UFL1: variants seen among roughly 807,000 people sequenced by gnomAD.
UFL1 encodes E3 UFM1-protein ligase 1.
UFL1 carries 78 observed loss-of-function variants against 99.3 expected under a neutral mutation model. The observed-to-expected ratio is 0.79, with a 90% confidence interval of 0.65 to 0.95. UFL1 has a LOEUF of 0.95. Ranked by LOEUF, UFL1 falls within the 40% of genes least tolerant of loss-of-function variation. The probability of loss-of-function intolerance (pLI) is 0.00; values close to 1 mark genes in which losing one functional copy is unlikely to be tolerated. For synonymous variants in UFL1, 335 were observed against 322.2 expected (o/e 1.04, Z -0.42); for missense variants, 936 against 937.0 (o/e 1.00, Z 0.01).
chr6:96,552,647 T>C lies in UFL1; in HGVS notation c.2151T>C (p.Asn717=). 6.3e-7 allele frequency: 1 copy of C among 1,595,458 alleles called. No homozygotes were observed. The highest frequency in any genetic ancestry group is 8.5e-7 in the Non-Finnish European group (1 of 1,174,908). Residue 717 remains asparagine (N), a synonymous_variant, in exon 18 of 19, where the codon AAT becomes AAC. Transcript: ENST00000369278. ...TCCCACAGATCATTGCTTTTCTTAA[T>C]AGTAAAATTCCAGAGGTATTACATT... is the stretch of plus-strand genomic sequence containing the variant. ...RCVPQIIAFL[N]SKIPEDQHAL...
chr6:96,541,801 A>G (rs1206043212), intron 11 of UFL1, among the ~76,000 whole-genome samples: 1 of 151,320 alleles, frequency 6.6e-6, no homozygotes, highest in Non-Finnish European at 1.5e-5. Flanking sequence ...CTATTGTATT[A>G]TAATTGTTTA....
chr6:96,540,585 A>T lies in UFL1; in HGVS notation c.1209A>T (p.Gln403His), dbSNP rs1769917306. Residue 403 changes from glutamine (Q) to histidine (H), a missense_variant, in exon 11 of 19, where the codon CAA (glutamine) becomes CAT (histidine). Transcript: ENST00000369278. ...TAATCACTGAAGAAGATCTGAAACA[A>T]ATCTCCACTTTAGAAAGCGTTAGTA... is the stretch of plus-strand genomic sequence containing the variant. ...VHLITEEDLKQISTLESVSTS... is the reference protein window; with the variant it reads ...VHLITEEDLKHISTLESVSTS... 6.2e-7 allele frequency: 1 copy of T among 1,607,566 alleles called. No individual in the cohort carries two copies.
At chr6:96,551,964 G>T (rs760614472) in intron 17 of UFL1, 41 bp downstream of exon 17, 13 of 1,427,964 alleles carry the variant, frequency 9.1e-6, no homozygotes, top group Non-Finnish European at 1.3e-5. Context: ...GTTCTTAAAT[G>T]TGGAGCCTTT....
intron 1 of UFL1, 84 bp downstream of exon 1, chr6:96,522,034 C>T (rs1769619808): frequency 7.0e-7 from 1 of 1,433,860 alleles, no homozygotes; most frequent in Admixed American, 2.0e-5. Flanking sequence ...GACCCGCGGC[C>T]CTGCATCCCG....
intron 18 of UFL1, among the ~76,000 whole-genome samples, chr6:96,552,918 T>C (rs1770102795): frequency 6.6e-6 from 1 of 152,110 alleles, no homozygotes; most frequent in Non-Finnish European, 1.5e-5. Flanking sequence ...CCATTTCAGC[T>C]TCTTTAGGTT....
chr6:96,553,388 T>C lies in UFL1; in HGVS notation c.2270T>C (p.Leu757Ser), dbSNP rs1193546890. 5.0e-6 allele frequency: 8 copies of C among 1,613,796 alleles called. No individual in the cohort carries two copies. In the Admixed American group the frequency reaches 5.0e-5, roughly 10 times the overall value. The change falls in exon 19 of 19, where the codon TTA becomes TCA. Residue 757 changes from leucine to serine, a missense_variant. Coordinates refer to ENST00000369278, the MANE Select transcript of UFL1 (RefSeq NM_015323.5). ...GQGDYPLNNE[L>S]DKEQEDVAST... The stretch of plus-strand genomic sequence containing the variant: ...GGAGATTATCCCTTGAATAATGAAT[T>C]AGACAAAGAACAAGAAGATGTTGCC...
At position 96,543,584 on chromosome 6, in the gene UFL1, A is replaced by T. The variant is rs137875431; in HGVS notation, c.1402+568A>T. 3.7e-3 allele frequency among the ~76,000 whole-genome samples: 567 copies of T among 151,302 alleles called. 3 individuals are homozygous for T. Among genetic ancestry groups the T allele is most frequent in the African/African-American group, 0.013 (535 of 41,456 alleles). ...GGAATGGCTGACTGTGGGAATGTTG[A>T]CACTGCCATTGCTCAAGAAAATGAG... On this transcript the variant is annotated intron_variant, in intron 12 of 18. Coordinates refer to ENST00000369278, the MANE Select transcript of UFL1 (RefSeq NM_015323.5).
In UFL1 at chr6:96,521,839, G is replaced by T; in HGVS notation, c.-35G>T. ...CCACCGCCTGTCGGCTGACGTGTCT[G>T]CAGTTCCTCCGCGTCTACTGCGAGT... On this transcript the variant is annotated 5_prime_UTR_variant, in exon 1 of 19. Transcript: ENST00000369278. The T allele has an allele frequency of 6.3e-7, 1 of 1,598,778 alleles. No individual in the cohort carries two copies. Among genetic ancestry groups the T allele is most frequent in the South Asian group, 1.1e-5 (1 of 88,266 alleles).
chr6:96,523,081 A>T lies in UFL1; in HGVS notation c.78-65A>T, dbSNP rs535730640. ...TTAAAAGCCTGTTTTCATACATTGT[A>T]TTAATTTTATTGAGCGCCAATGTCT... On this transcript the variant is annotated intron_variant, in intron 1 of 18. Coordinates refer to ENST00000369278, the MANE Select transcript of UFL1 (RefSeq NM_015323.5). 13 of 1,471,870 alleles carry T rather than the reference A, an allele frequency of 8.8e-6. No homozygotes were observed. In the South Asian group the frequency reaches 1.9e-4, roughly 21 times the overall value. The allele number at this position is 1,471,870 out of a possible 1,614,324, so 91.2% of individuals were successfully genotyped here.
At chr6:96,524,236 T>G in intron 2 of UFL1, 146 bp from the exon 3 acceptor site, 1 of 663,248 alleles carries the variant, frequency 1.5e-6, no homozygotes, top group Non-Finnish European at 2.5e-6. Flanking sequence ...AGCCATCAGC[T>G]AATGGTGTGT....
intron 16 of UFL1, 104 bp downstream of exon 16, chr6:96,551,617 T>A (rs1770081475): frequency 1.1e-6 from 1 of 898,348 alleles, no homozygotes; most frequent in Non-Finnish European, 1.7e-6. Flanking sequence ...AATCTAAAAC[T>A]AGTATTTTGC....
rs1582447477 is a variant in UFL1 at position 96,551,843 on chromosome 6, A to G, written c.1905A>G (p.Ile635Met). ...KLHNSLNEKS[I>M]EDFISCLDSA... The stretch of plus-strand genomic sequence containing the variant: ...GGTATTCAATGCCTTTTCAGAGCAT[A>G]GAAGACTTTATTTCTTGTCTGGATT... The change falls in exon 17 of 19, where the codon ATA becomes ATG. Residue 635 changes from isoleucine (I) to methionine (M), a missense_variant. Transcript: ENST00000369278. 3 of 1,602,002 alleles carry G rather than the reference A, an allele frequency of 1.9e-6. No homozygotes were observed. Among genetic ancestry groups the G allele is most frequent in the Non-Finnish European group, 2.6e-6 (3 of 1,172,772 alleles).
chr6:96,548,229 A>T lies in UFL1; in HGVS notation c.1468A>T (p.Ile490Leu), dbSNP rs777221633. 6.2e-7 allele frequency: 1 copy of T among 1,608,332 alleles called. No individual in the cohort carries two copies. The highest frequency in any genetic ancestry group is 1.7e-5 in the Admixed American group (1 of 59,282). Residue 490 changes from isoleucine to leucine, a missense_variant, in exon 13 of 19, where the codon ATA becomes TTA. Transcript: ENST00000369278. ...DEIEDFLRKH[I>L]QDAPEEFISE... Reference sequence around the variant, plus strand: ...GATTGAAGATTTTTTAAGAAAACACATACAAGATGCCCCTGAGGAGTTTAT... The same window carrying T: ...GATTGAAGATTTTTTAAGAAAACACTTACAAGATGCCCCTGAGGAGTTTAT...
chr6:96,522,672 T>TG (rs1769635903), intron 1 of UFL1, among the ~76,000 whole-genome samples: 1 of 152,146 alleles, frequency 6.6e-6, no homozygotes, highest in Admixed American at 6.5e-5. Context: ...GTAACTAACG[T>TG]GGGTAAAAGT....
intron 3 of UFL1, among the ~76,000 whole-genome samples, chr6:96,524,699 A>C (rs1769674524): frequency 6.6e-6 from 1 of 152,172 alleles, no homozygotes; most frequent in Non-Finnish European, 1.5e-5. Flanking sequence ...AAATGAACTC[A>C]TAGTTATTTT....
At chr6:96,542,625 G>A (rs369388393) in intron 11 of UFL1, among the ~76,000 whole-genome samples, 1 of 151,056 alleles carries the variant, frequency 6.6e-6, no homozygotes, top group Non-Finnish European at 1.5e-5. Flanking sequence ...AAGAGGTGAC[G>A]TTAGAGAAGG....
chr6:96,553,096 T>C (rs1310218437), intron 18 of UFL1, among the ~76,000 whole-genome samples, 189 bp from the exon 19 acceptor site: 3 of 152,070 alleles, frequency 2.0e-5, no homozygotes, highest in African/African-American at 7.2e-5. Context: ...GTGATTTGCA[T>C]TCATGTTTTA....
chr6:96,542,814 A>C (rs1278111371), intron 11 of UFL1, 80 bp from the exon 12 acceptor site: 17 of 1,302,486 alleles, frequency 1.3e-5, no homozygotes, highest in Non-Finnish European at 1.7e-5. Context: ...TGTAAAGTTA[A>C]ATACAACAAT....
rs762046616 is a variant in UFL1 at position 96,537,408 on chromosome 6, T to A, written c.837T>A (p.Asp279Glu). The A allele has an allele frequency of 3.1e-6, 5 of 1,590,590 alleles. No individual in the cohort carries two copies. Among genetic ancestry groups the A allele is most frequent in the Non-Finnish European group, 3.4e-6 (4 of 1,171,690 alleles). Residue 279 changes from aspartate (D) to glutamate (E), a missense_variant, in exon 9 of 19, where the codon GAT becomes GAA. Transcript: ENST00000369278. Reference protein sequence around the residue: ...FDALSRLGIPDAVSYIKKRYK... With the variant: ...FDALSRLGIPEAVSYIKKRYK... Reference sequence around the variant, plus strand: ...CTTTGTCCAGACTTGGAATCCCAGATGCTGTAAGCTACATAAAGAAAAGAT... The same window carrying A: ...CTTTGTCCAGACTTGGAATCCCAGAAGCTGTAAGCTACATAAAGAAAAGAT...
Sources: gnomAD v4.1 joint callset for allele counts (sites outside exome capture counted in the v4.1 genomes callset) on GRCh38, gnomAD v4.1.1 for gene constraint, MANE v1.5 for transcripts, NCBI Gene and HGNC (gene_info 2026-07-23, HGNC 2026-07-21) for gene names.